Variants in NEB observed in about 807,000 individuals in gnomAD.
NEB encodes the protein nebulin.
In NEB, 512 loss-of-function variants were observed where a neutral mutation model predicts 952.2. The ratio of observed to expected loss-of-function variants is 0.54; its 90% CI spans 0.50 to 0.58. NEB has a LOEUF of 0.58. Ranked by LOEUF, NEB falls within the 20% of genes least tolerant of loss-of-function variation. The pLI is 0.00. For synonymous variants in NEB, 2,900 were observed against 3,149.8 expected (o/e 0.92, Z 2.66); for missense variants, 8,428 against 9,231.1 (o/e 0.91, Z 3.56).
At chr2:151,516,403 C>T (rs971997341) in intron 157 of NEB, 56 bp downstream of exon 157, 1 of 1,239,902 alleles carries the variant, frequency 8.1e-7, no homozygotes, top group African/African-American at 1.5e-5. Context: ...ATGGGCAGAG[C>T]TTGTGTTCAG....
At chr2:151,630,476 A>C (rs2098643512) in intron 67 of NEB, among the ~76,000 whole-genome samples, 1 of 152,244 alleles carries the variant, frequency 6.6e-6, no homozygotes, top group African/African-American at 2.4e-5. Context: ...AAGTGTCTAA[A>C]ATACTACTCA....
Position 151,672,481 on chromosome 2 carries a change from G to A in NEB, c.4187C>T (p.Ala1396Val), listed in dbSNP as rs565647243. The A allele has an allele frequency of 3.7e-6, 6 of 1,614,000 alleles. No homozygotes were observed. The African/African-American group carries it at 8.0e-5, about 22-fold the overall frequency. The change falls in exon 37 of 182, where the codon GCC becomes GTC. Residue 1396 changes from alanine (A) to valine (V), a missense_variant. By Grantham distance (64) the Ala-to-Val change is moderately conservative. Transcript: ENST00000397345. Reference sequence around the variant, plus strand: ...GTTGACATTGGTAGCGACATCCTGGGCCATCTTTGCAGCTGTGATGCTAAC... The same window carrying A: ...GTTGACATTGGTAGCGACATCCTGGACCATCTTTGCAGCTGTGATGCTAAC... ...DMVSITAAKMAQDVATNVNYK... is the reference protein window; with the variant it reads ...DMVSITAAKMVQDVATNVNYK...
intron 68 of NEB, among the ~76,000 whole-genome samples, chr2:151,628,890 C>A (rs1179374748): frequency 7.7e-6 from 1 of 129,592 alleles, no homozygotes; most frequent in African/African-American, 2.5e-5. Context: ...AACAAACAAA[C>A]AAAAACAAAA....
In NEB at chr2:151,676,842, T is replaced by A. The variant is rs180864305; in HGVS notation, c.3774+723A>T. ...TGCTCTTACCCTACATTCTTGTGAATTTCTATATCCCATGAATCCTCATCT... is the reference window on the plus strand; with the variant it reads ...TGCTCTTACCCTACATTCTTGTGAAATTCTATATCCCATGAATCCTCATCT... On this transcript the variant is annotated intron_variant, in intron 34 of 181. Coordinates refer to ENST00000397345, the MANE Select transcript of NEB (RefSeq NM_001164508.2). 1.4e-4 allele frequency among the ~76,000 whole-genome samples: 22 copies of A among 152,340 alleles called. No individual in the cohort carries two copies. The East Asian group carries it at 4.2e-3, about 29-fold the overall frequency.
intron 27 of NEB, among the ~76,000 whole-genome samples, chr2:151,687,055 C>T (rs959722857): frequency 6.6e-5 from 10 of 152,090 alleles, no homozygotes; most frequent in Non-Finnish European, 2.9e-5. Flanking sequence ...TCATAAATGT[C>T]TTCCAAAGTA....
Position 151,717,855 on chromosome 2 carries a change from C to CTTT in NEB, c.718-338_718-336dup, listed in dbSNP as rs5835379. Among the ~76,000 whole-genome samples, 864 of 140,230 alleles carry CTTT rather than the reference C, an allele frequency of 6.2e-3. 183 individuals are homozygous for CTTT. Among genetic ancestry groups the CTTT allele is most frequent in the Non-Finnish European group, 8.0e-3 (528 of 65,840 alleles). 92.0% of individuals were successfully genotyped at this position (140,230 alleles called of 152,430 possible). A position where few individuals can be genotyped will look rare whatever the true frequency, so the allele number is the denominator to read the frequency against. ...GACTTGACCATATACCTCCTTTGTTCTTTTTTTTTTTTTTTTGAGACGGAG... is the reference window on the plus strand; with the variant it reads ...GACTTGACCATATACCTCCTTTGTTCTTTTTTTTTTTTTTTTTTTGAGACGGAG... On this transcript the variant is annotated intron_variant, in intron 9 of 181. Coordinates refer to ENST00000397345, the MANE Select transcript of NEB (RefSeq NM_001164508.2).
Position 151,659,125 on chromosome 2 carries a change from GT to G in NEB, c.6014del (p.His2005ProfsTer19). 6.2e-7 allele frequency: 1 copy of G among 1,613,092 alleles called. No homozygotes were observed. Among genetic ancestry groups the G allele is most frequent in the Non-Finnish European group, 8.5e-7 (1 of 1,179,230 alleles). On this transcript the variant is annotated frameshift_variant, in exon 47 of 182. Coordinates refer to ENST00000397345, the MANE Select transcript of NEB (RefSeq NM_001164508.2). LOFTEE classifies it high-confidence loss of function. ...TAATCTGGGGGATATCAGGCATGAT[GT>G]GGACTTTGGTTTTGTCAGCCTCCCA... ...QAWEADKTKV[H>X]IMPDIPQIIL...
chr2:151,727,802 T>C lies in NEB; in HGVS notation c.183A>G (p.Ala61=). The C allele has an allele frequency of 6.3e-7, 1 of 1,599,114 alleles. No homozygotes were observed. The highest frequency in any genetic ancestry group is 8.5e-7 in the Non-Finnish European group (1 of 1,173,994). ...ALAQPALAQP[A]SAKPVERRKV... ...TCCTCCTCTCCACCGGCTTTGCTGA[T>C]GCTGGCTGTGCCAGTGCTGGCTGTG... Residue 61 remains alanine (A), a synonymous_variant, in exon 5 of 182, where the codon GCA becomes GCG. Transcript: ENST00000397345.
intron 4 of NEB, 144 bp downstream of exon 4, chr2:151,729,471 C>T: frequency 2.2e-6 from 2 of 926,168 alleles, no homozygotes; most frequent in East Asian, 2.5e-5. Flanking sequence ...TGCTTTCACA[C>T]CAGCTTCTGG....
chr2:151,646,569 C>T (rs779688319), intron 54 of NEB, among the ~76,000 whole-genome samples: 73 of 152,332 alleles, frequency 4.8e-4, no homozygotes, highest in South Asian at 3.1e-3. Flanking sequence ...AATTTAGAGG[C>T]AGCCCTTGCC....
At chr2:151,633,361 A>G (rs2098705019) in intron 65 of NEB, among the ~76,000 whole-genome samples, 2 of 147,126 alleles carry the variant, frequency 1.4e-5, no homozygotes, top group African/African-American at 4.9e-5. Context: ...TAAAGTAAAA[A>G]CGTTTCTTCC....
At chr2:151,546,661 C>A (rs547036219) in intron 133 of NEB, among the ~76,000 whole-genome samples, 1 of 151,038 alleles carries the variant, frequency 6.6e-6, no homozygotes, top group African/African-American at 2.4e-5. Flanking sequence ...CGAGTTCAAG[C>A]GATTCTCCTG....
rs747425038 is a variant in NEB, at chr2:151,554,962, C to T, written c.19397G>A (p.Arg6466Gln). 9.3e-6 allele frequency: 15 copies of T among 1,613,708 alleles called. No homozygotes were observed. Among genetic ancestry groups the T allele is most frequent in the Middle Eastern group, 1.7e-4 (1 of 6,058 alleles). ...GTTAAGCTTGCCAACTCGGAGGCAC[C>T]GTGCTGTGTTCGGATCATCGTCAAC... ...RSVDDDPNTA[R>Q]CLRVGKLNID... Residue 6466 changes from arginine (R) to glutamine (Q), a missense_variant, in exon 125 of 182, where the codon CGG (arginine) becomes CAG (glutamine). This residue lies in a region of NEB where 3,374 missense variants were observed against 3,651.5 expected (regional missense o/e 0.92). Transcript: ENST00000397345.
rs149787815 is a variant in NEB, at chr2:151,682,839, T to C, written c.2836-70A>G. On this transcript the variant is annotated intron_variant, in intron 28 of 181. Coordinates refer to ENST00000397345, the MANE Select transcript of NEB (RefSeq NM_001164508.2). ...TCATTATGTAAAATCATCAAAGTTT[T>C]ACCCAAAACAATGTTTTTGAGATTT... 6.1e-5 allele frequency: 81 copies of C among 1,330,382 alleles called. No homozygotes were observed. In the African/African-American group the frequency reaches 1.0e-3, roughly 16 times the overall value. 82.4% of individuals were successfully genotyped at this position (1,330,382 alleles called of 1,614,324 possible).
intron 60 of NEB, among the ~76,000 whole-genome samples, chr2:151,640,998 T>C (rs769491070): frequency 2.6e-5 from 4 of 152,114 alleles, no homozygotes; most frequent in African/African-American, 4.8e-5. Flanking sequence ...ACAATGACAA[T>C]AAAAATGAAA....
intron 58 of NEB, 113 bp downstream of exon 58, chr2:151,643,037 A>G: frequency 8.0e-7 from 1 of 1,255,432 alleles, no homozygotes; most frequent in Non-Finnish European, 1.1e-6. Context: ...CTTTAAAACC[A>G]CATTAGTACC....
At position 151,678,027 on chromosome 2, in the gene NEB, G is replaced by A. The variant is rs181244403; in HGVS notation, c.3416C>T (p.Thr1139Met). The change falls in exon 33 of 182, where the codon ACG (threonine) becomes ATG (methionine). Residue 1139 changes from threonine to methionine, a missense_variant. By Grantham distance (81) the Thr-to-Met change is moderately conservative. This residue lies in a region of NEB where 2,851 missense variants were observed against 2,791.5 expected (regional missense o/e 1.02). Coordinates refer to ENST00000397345, the MANE Select transcript of NEB (RefSeq NM_001164508.2). ...CACGACATTGAACATATCATGGGGC[G>A]TGTTGTATTTGGACTTTGTCTTCTC... ...DYEKTKSKYN[T>M]PHDMFNVVAA... 8.5e-5 allele frequency: 137 copies of A among 1,613,918 alleles called. No individual in the cohort carries two copies. Among genetic ancestry groups the A allele is most frequent in the Admixed American group, 1.8e-4 (11 of 60,016 alleles).
In NEB at chr2:151,671,141, G is replaced by A; in HGVS notation, c.4388C>T (p.Ala1463Val). 6.2e-7 allele frequency: 1 copy of A among 1,613,936 alleles called. No individual in the cohort carries two copies. The highest frequency in any genetic ancestry group is 1.1e-5 in the South Asian group (1 of 91,080). The change falls in exon 38 of 182, where the codon GCA becomes GTA. Residue 1463 changes from alanine to valine, a missense_variant. By Grantham distance (64) the Ala-to-Val change is moderately conservative (BLOSUM62 0). Around this residue, in one of 11 missense-constraint regions of NEB, gnomAD observed 2,851 missense variants for 2,791.5 expected, o/e 1.02. Transcript: ENST00000397345. ...GSLEVEKVKKAGDALNERKYR... is the reference protein window; with the variant it reads ...GSLEVEKVKKVGDALNERKYR... Reference sequence around the variant, plus strand: ...CTTCCTCTCATTTAATGCATCGCCTGCTTTCTTGACCTTCTCCACCTCCAG... The same window carrying A: ...CTTCCTCTCATTTAATGCATCGCCTACTTTCTTGACCTTCTCCACCTCCAG...
At chr2:151,489,880 A>T (rs1388270854) in intron 181 of NEB, 91 bp downstream of exon 181, 11 of 947,908 alleles carry the variant, frequency 1.2e-5, no homozygotes, top group Admixed American at 4.2e-5. Flanking sequence ...AGGTTTGGTT[A>T]AAAAAAACCG....
Sources: allele counts gnomAD v4.1 joint callset (sites outside exome capture counted in the v4.1 genomes callset), GRCh38; gene constraint gnomAD v4.1.1; regional missense constraint gnomAD v4.1.1; transcripts MANE v1.5; gene names NCBI Gene and HGNC (gene_info 2026-07-23, HGNC 2026-07-21).